DCDC2: variants seen among roughly 807,000 people sequenced by gnomAD.
DCDC2 encodes doublecortin domain-containing protein 2.
Under a neutral mutation model 50.2 loss-of-function variants are expected in DCDC2, and 40 were observed. The ratio of observed to expected loss-of-function variants is 0.80; its 90% confidence interval spans 0.62 to 1.04. The LOEUF (loss-of-function observed/expected upper bound fraction) is 1.04. DCDC2 is among the 50% of genes least tolerant of loss of function. The pLI is 0.00. For missense variants in DCDC2, 570 were observed against 581.9 expected (o/e 0.98, Z 0.21); for synonymous variants, 234 against 210.6 (o/e 1.11, Z -0.96).
intron 6 of DCDC2, 83 bp from the exon 7 acceptor site, chr6:24,278,294 G>T: frequency 1.5e-6 from 2 of 1,292,862 alleles, no homozygotes; most frequent in South Asian, 1.6e-5. Flanking sequence ...ATTAACTACT[G>T]GTAAGCAGGG....
chr6:24,283,841 T>C (rs1348070999), intron 6 of DCDC2, among the ~76,000 whole-genome samples: 5 of 152,220 alleles, frequency 3.3e-5, no homozygotes, highest in Non-Finnish European at 7.3e-5. Flanking sequence ...TAAGCCGAGT[T>C]TGTGAGAACC....
At chr6:24,318,780 CGTGT>C (rs57175093) in intron 2 of DCDC2, among the ~76,000 whole-genome samples, 5 of 149,558 alleles carry the variant, frequency 3.3e-5, no homozygotes, top group South Asian at 2.1e-4. Flanking sequence ...TATATACGTA[CGTGT>C]GTGTGTGTGT....
intron 2 of DCDC2, among the ~76,000 whole-genome samples, chr6:24,314,660 T>C (rs769874885): frequency 2.0e-5 from 3 of 152,120 alleles, no homozygotes; most frequent in African/African-American, 7.2e-5. Context: ...AAAATGAACA[T>C]TGACTAGATC....
intron 7 of DCDC2, among the ~76,000 whole-genome samples, chr6:24,216,974 T>C (rs1270369366): frequency 6.6e-6 from 1 of 152,076 alleles, no homozygotes. Flanking sequence ...TAGAAGAAAG[T>C]GAGAAACCTG....
chr6:24,360,095 G>A (rs111918041), upstream of DCDC2, among the ~76,000 whole-genome samples: 49 of 152,356 alleles, frequency 3.2e-4, no homozygotes, highest in African/African-American at 1.2e-3. Flanking sequence ...TCCAGCTGCT[G>A]TTACCTCTGC....
intron 2 of DCDC2, among the ~76,000 whole-genome samples, chr6:24,331,662 T>C (rs1300572935): frequency 6.6e-6 from 1 of 152,198 alleles, no homozygotes; most frequent in Non-Finnish European, 1.5e-5. Context: ...TTTATAATTA[T>C]ATAAAGTAAC....
chr6:24,221,307 C>T (rs1416842328), intron 7 of DCDC2, among the ~76,000 whole-genome samples: 1 of 152,136 alleles, frequency 6.6e-6, no homozygotes, highest in Non-Finnish European at 1.5e-5. Context: ...GACCCCTCAA[C>T]CCCAAAGGGA....
At chr6:24,374,311 T>C in the DCDC2 span, among the ~76,000 whole-genome samples, 1 of 152,014 alleles carries the variant, frequency 6.6e-6, no homozygotes, top group East Asian at 1.9e-4. Flanking sequence ...CTCACACCTG[T>C]AATCCCAGTA....
the DCDC2 span, among the ~76,000 whole-genome samples, chr6:24,368,393 T>C: frequency 6.6e-6 from 1 of 152,032 alleles, no homozygotes; most frequent in Admixed American, 6.5e-5. Context: ...CACCTTAGGA[T>C]ATCGTAGTGA....
chr6:24,225,684 A>G lies in DCDC2; in HGVS notation c.923-20582T>C, dbSNP rs533144764. 4.7e-5 allele frequency among the ~76,000 whole-genome samples: 7 copies of G among 150,500 alleles called. No homozygotes were observed. The East Asian group carries it at 9.8e-4, about 21-fold the overall frequency. Reference sequence around the variant, plus strand: ...CTTACATTTTATATATTACATTAAAACAACTCTTAGAAAGTTTTCACACAC... The same window carrying G: ...CTTACATTTTATATATTACATTAAAGCAACTCTTAGAAAGTTTTCACACAC... On this transcript the variant is annotated intron_variant, in intron 7 of 9. Transcript: ENST00000378454.
chr6:24,282,971 C>G (rs1437181365), intron 6 of DCDC2, among the ~76,000 whole-genome samples: 2 of 151,806 alleles, frequency 1.3e-5, no homozygotes, highest in Admixed American at 6.6e-5. Flanking sequence ...TGAATAATAA[C>G]GAAATTTTTT....
intron 6 of DCDC2, among the ~76,000 whole-genome samples, chr6:24,279,463 C>A (rs1464778007): frequency 5.3e-5 from 8 of 152,094 alleles, no homozygotes; most frequent in Admixed American, 6.5e-5. Context: ...TGCCTGTAGC[C>A]CCAGCTACTC....
chr6:24,189,534 C>A (rs1761271648), intron 8 of DCDC2, among the ~76,000 whole-genome samples: 1 of 152,156 alleles, frequency 6.6e-6, no homozygotes, highest in African/African-American at 2.4e-5. Flanking sequence ...GAGACCACAG[C>A]TCATGTCCAG....
the DCDC2 span, among the ~76,000 whole-genome samples, chr6:24,378,384 C>T: frequency 1.3e-5 from 2 of 152,168 alleles, no homozygotes; most frequent in Non-Finnish European, 2.9e-5. Context: ...GATGATTTCT[C>T]TCCCTCCCCA....
At chr6:24,210,523 T>C (rs910388522) in intron 7 of DCDC2, among the ~76,000 whole-genome samples, 9 of 152,192 alleles carry the variant, frequency 5.9e-5, no homozygotes, top group African/African-American at 1.4e-4. Context: ...ATCCATTCCA[T>C]TGTCAATCTT....
At chr6:24,250,789 C>T (rs1371297627) in intron 7 of DCDC2, among the ~76,000 whole-genome samples, 1 of 151,958 alleles carries the variant, frequency 6.6e-6, no homozygotes, top group Admixed American at 6.6e-5. Flanking sequence ...TAAAGCACTC[C>T]TACACCAGGC....
chr6:24,367,712 A>G, the DCDC2 span, among the ~76,000 whole-genome samples: 1 of 152,206 alleles, frequency 6.6e-6, no homozygotes, highest in Admixed American at 6.5e-5. Flanking sequence ...CTTCTACTCA[A>G]TTTACAGATA....
At chr6:24,276,321 T>A (rs1763356330) in intron 7 of DCDC2, among the ~76,000 whole-genome samples, 1 of 151,732 alleles carries the variant, frequency 6.6e-6, no homozygotes, top group African/African-American at 2.4e-5. Flanking sequence ...AAAGACTTTT[T>A]AAAAATATAC....
the DCDC2 span, among the ~76,000 whole-genome samples, chr6:24,368,443 G>T: frequency 6.6e-6 from 1 of 151,950 alleles, no homozygotes; most frequent in Non-Finnish European, 1.5e-5. Context: ...AAAATCAAAA[G>T]AAATTAGTGG....
Sources: gnomAD v4.1 joint callset for allele counts (sites outside exome capture counted in the v4.1 genomes callset) on GRCh38, gnomAD v4.1.1 for gene constraint, MANE v1.5 for transcripts, NCBI Gene and HGNC (gene_info 2026-07-23, HGNC 2026-07-21) for gene names.